Variants in VWA3A observed in about 807,000 individuals in gnomAD.
The protein encoded by VWA3A is von Willebrand factor A domain-containing protein 3A.
A neutral mutation model predicts 160.4 loss-of-function variants in VWA3A; 134 were observed. The ratio of observed to expected loss-of-function variants is 0.84; its 90% CI spans 0.73 to 0.96. VWA3A has a LOEUF of 0.96. Ranked by LOEUF, VWA3A falls within the 40% of genes least tolerant of loss-of-function variation. The pLI, the probability that VWA3A is intolerant of heterozygous loss-of-function variation, is 0.00. For missense variants in VWA3A, 1,310 were observed against 1,447.9 expected, an observed-to-expected ratio of 0.90 and a Z score of 1.55; for synonymous variants, 476 against 543.4, an observed-to-expected ratio of 0.88 and a Z score of 1.72.
Position 22,144,264 on chromosome 16 carries a change from G to A in VWA3A, c.2610G>A (p.Gly870=). The change falls in exon 26 of 34, where the codon GGG becomes GGA. Residue 870 remains glycine (G), a synonymous_variant. Transcript: ENST00000389398. ...TTCTAAAGTGGGTGGCAAAATATGG[G>A]CTCAAAAAATTGAAGCTGGAGATTT... ...CSSQEWVAKY[G]LKKLKLEISR... 6.2e-7 allele frequency: 1 copy of A among 1,612,298 alleles called. No individual in the cohort carries two copies. Among genetic ancestry groups the A allele is most frequent in the Non-Finnish European group, 8.5e-7 (1 of 1,179,384 alleles).
chr16:22,097,023 T>A, intron 2 of VWA3A, 78 bp downstream of exon 2: 1 of 927,310 alleles, frequency 1.1e-6, no homozygotes, highest in Non-Finnish European at 1.6e-6. Context: ...TGGAGTGCAG[T>A]GGCACAATCT....
intron 31 of VWA3A, among the ~76,000 whole-genome samples, chr16:22,154,910 C>T (rs1248016508): frequency 8.5e-5 from 11 of 130,176 alleles, no homozygotes; most frequent in Middle Eastern, 4.7e-3. Context: ...GCCGAGATTG[C>T]GCCACTGCAG....
At chr16:22,156,001 T>C in intron 33 of VWA3A, 31 bp from the exon 34 acceptor site, 1 of 1,444,170 alleles carries the variant, frequency 6.9e-7, no homozygotes, top group East Asian at 2.3e-5. Context: ...AATAATAACT[T>C]TGGTTAAAAA....
chr16:22,097,985 T>G (rs980267782), intron 3 of VWA3A, among the ~76,000 whole-genome samples: 4 of 152,208 alleles, frequency 2.6e-5, no homozygotes, highest in Admixed American at 1.3e-4. Context: ...ATTCTAAAAT[T>G]CCCCTTCCTG....
intron 19 of VWA3A, 123 bp from the exon 20 acceptor site, chr16:22,132,777 T>C: frequency 2.3e-6 from 2 of 882,266 alleles, no homozygotes; most frequent in Non-Finnish European, 3.4e-6. Context: ...TCCATCCTTG[T>C]GCCAAGGACT....
In VWA3A at chr16:22,145,700, C is replaced by CA. The variant is rs201547176; in HGVS notation, c.2731-526dup. Among the ~76,000 whole-genome samples, 264 of 144,486 alleles carry CA rather than the reference C, an allele frequency of 1.8e-3. 1 individual carries two copies. Among genetic ancestry groups the CA allele is most frequent in the Non-Finnish European group, 2.3e-3 (154 of 65,760 alleles). 94.8% of individuals were successfully genotyped at this position (144,486 alleles called of 152,430 possible). On this transcript the variant is annotated intron_variant, in intron 26 of 33. Transcript: ENST00000389398. ...TTATTAATATAGCAACTGCATTTAC[C>CA]AAAAAAAAAATCTTAATTCCCTACT... is the stretch of plus-strand genomic sequence containing the variant.
rs1340718765 is a variant in VWA3A, at chr16:22,097,601, A to C, written c.131A>C (p.Lys44Thr). Reference protein sequence around the residue: ...CIRRNTGRDSKKPLKQKNMNG... With the variant: ...CIRRNTGRDSTKPLKQKNMNG... ...AGGAGAAACACTGGCAGAGATTCAA[A>C]GAAGCCACTAAAGCAGAAGAATATG... The change falls in exon 3 of 34, where the codon AAG becomes ACG. Residue 44 changes from lysine (K) to threonine (T), a missense_variant. By Grantham distance (78) the Lys-to-Thr change is moderately conservative. Transcript: ENST00000389398. 6.4e-7 allele frequency: 1 copy of C among 1,551,754 alleles called. No individual in the cohort carries two copies. Among genetic ancestry groups the C allele is most frequent in the African/African-American group, 1.4e-5 (1 of 73,054 alleles).
intron 18 of VWA3A, 48 bp downstream of exon 18, chr16:22,131,327 T>G (rs2045944121): frequency 1.3e-6 from 2 of 1,598,690 alleles, no homozygotes; most frequent in Non-Finnish European, 1.7e-6. Context: ...AGGGAAGGTT[T>G]GCAGGCATTG....
At position 22,156,662 on chromosome 16, in the gene VWA3A, G is replaced by C. The variant is rs975601310; in HGVS notation, c.*645G>C. 3.9e-5 allele frequency: 6 copies of C among 152,188 alleles called. No individual in the cohort carries two copies. Among genetic ancestry groups the C allele is most frequent in the Admixed American group, 3.3e-4 (5 of 15,256 alleles). The allele number at this position is 152,188 out of a possible 1,614,324, so 9.4% of individuals were successfully genotyped here. ...CTAGCTCTGGAAAGCAGCTGATGGG[G>C]TGGTCTCCACCCTGGTTCATAAGAG... On this transcript the variant is annotated 3_prime_UTR_variant, in exon 34 of 34. Transcript: ENST00000389398.
chr16:22,124,684 G>A (rs578124992), intron 16 of VWA3A, among the ~76,000 whole-genome samples: 7 of 151,726 alleles, frequency 4.6e-5, no homozygotes, highest in Middle Eastern at 3.4e-3. Context: ...ATGAGCCACC[G>A]CACCTGGCCA....
intron 1 of VWA3A, among the ~76,000 whole-genome samples, chr16:22,093,023 C>T (rs1567521745): frequency 6.6e-6 from 1 of 151,988 alleles, no homozygotes; most frequent in Non-Finnish European, 1.5e-5. Flanking sequence ...TGCCATCTGC[C>T]ATGGCCTGGT....
Position 22,094,053 on chromosome 16 carries a change from C to T in VWA3A, c.14+1402C>T, listed in dbSNP as rs531289413. Among the ~76,000 whole-genome samples, 42 of 152,178 alleles carry T rather than the reference C, an allele frequency of 2.8e-4. 1 individual carries two copies. Among genetic ancestry groups the T allele is most frequent in the Non-Finnish European group, 5.3e-4 (36 of 68,010 alleles). ...CCTCCCAATGTGCTGGGATTGCAGGCATGAGCCATTGCACCCGGCCCCGTG... is the reference window on the plus strand; with the variant it reads ...CCTCCCAATGTGCTGGGATTGCAGGTATGAGCCATTGCACCCGGCCCCGTG... On this transcript the variant is annotated intron_variant, in intron 1 of 33. Transcript: ENST00000389398.
chr16:22,155,597 G>A lies in VWA3A; in HGVS notation c.3436G>A (p.Asp1146Asn), dbSNP rs768180238. ...CACATTGCCACCATTTGAAGGAGAT[G>A]ATTTAAGGATCCTGGCCCAGGAGAT... Reference protein sequence around the residue: ...DPTLPPFEGDDLRILAQEITK... With the variant: ...DPTLPPFEGDNLRILAQEITK... The change falls in exon 32 of 34, where the codon GAT becomes AAT. Residue 1146 changes from aspartate (D) to asparagine (N), a missense_variant. Physicochemically the swap from Asp to Asn is conservative, Grantham distance 23 (BLOSUM62 1). Coordinates refer to ENST00000389398, the MANE Select transcript of VWA3A (RefSeq NM_173615.5). 2 of 1,613,970 alleles carry A rather than the reference G, an allele frequency of 1.2e-6. No homozygotes were observed. The highest frequency in any genetic ancestry group is 1.3e-5 in the African/African-American group (1 of 75,038).
chr16:22,093,647 C>T (rs149523285), intron 1 of VWA3A, among the ~76,000 whole-genome samples: 8 of 152,304 alleles, frequency 5.3e-5, no homozygotes, highest in Admixed American at 2.0e-4. Flanking sequence ...TTTCACAAAG[C>T]AGTTCTACTT....
Position 22,142,929 on chromosome 16 carries a change from T to A in VWA3A, c.2592+164T>A, listed in dbSNP as rs183879293. 3.7e-3 allele frequency among the ~76,000 whole-genome samples: 555 copies of A among 152,052 alleles called. 3 individuals are homozygous for A. Among genetic ancestry groups the A allele is most frequent in the Non-Finnish European group, 7.0e-3 (477 of 67,956 alleles). ...ACTTTGGGAGGCTGAGGTGGGTGGA[T>A]CACTTGAGGTCAGGAGTTCGAGACC... On this transcript the variant is annotated intron_variant, in intron 25 of 33. Coordinates refer to ENST00000389398, the MANE Select transcript of VWA3A (RefSeq NM_173615.5).
chr16:22,150,871 G>T (rs769720202), intron 30 of VWA3A, 25 bp downstream of exon 30: 9 of 1,599,422 alleles, frequency 5.6e-6, no homozygotes, highest in Non-Finnish European at 7.7e-6. Flanking sequence ...GTCTGACTGA[G>T]TTTTATTCTT....
chr16:22,132,354 C>A (rs937547635), intron 19 of VWA3A, among the ~76,000 whole-genome samples: 2 of 151,470 alleles, frequency 1.3e-5, no homozygotes, highest in Non-Finnish European at 2.9e-5. Flanking sequence ...TGCACTCCAG[C>A]CTGGGCGACA....
chr16:22,098,648 T>G (rs1411900553), intron 3 of VWA3A, among the ~76,000 whole-genome samples: 1 of 152,188 alleles, frequency 6.6e-6, no homozygotes, highest in Admixed American at 6.5e-5. Flanking sequence ...AGTTACATAA[T>G]TAGCATGGCC....
chr16:22,131,380 T>C, intron 18 of VWA3A, 101 bp downstream of exon 18: 1 of 1,468,680 alleles, frequency 6.8e-7, no homozygotes, highest in South Asian at 1.2e-5. Context: ...CTCTCTAGAG[T>C]CCCTGACCCC....
Sources: gnomAD v4.1 joint callset for allele counts (sites outside exome capture counted in the v4.1 genomes callset) on GRCh38, gnomAD v4.1.1 for gene constraint, MANE v1.5 for transcripts, NCBI Gene and HGNC (gene_info 2026-07-23, HGNC 2026-07-21) for gene names.